Variants in GPC5 observed in about 807,000 individuals in gnomAD.
GPC5 encodes the protein glypican-5.
In GPC5, 47 loss-of-function variants were observed where a neutral mutation model predicts 53.9. That is an observed-to-expected ratio of 0.87 (90% confidence interval 0.69 to 1.11). The LOEUF (loss-of-function observed/expected upper bound fraction) is 1.11. Among genes scored for constraint, GPC5 ranks in the 50% most tolerant of loss-of-function variants. GPC5 has a pLI of 0.00. For missense variants in GPC5, 748 were observed against 713.1 expected (o/e 1.05, Z -0.56); for synonymous variants, 286 against 263.3 (o/e 1.09, Z -0.84).
At chr13:91,516,378 T>C (rs1885500182) in intron 2 of GPC5, among the ~76,000 whole-genome samples, 1 of 152,150 alleles carries the variant, frequency 6.6e-6, no homozygotes, top group African/African-American at 2.4e-5. Context: ...ACAGGGCCCA[T>C]GCAAGTCCAA....
chr13:91,552,340 T>G (rs941017122), intron 2 of GPC5, among the ~76,000 whole-genome samples: 2 of 152,000 alleles, frequency 1.3e-5, no homozygotes, highest in African/African-American at 2.4e-5. Flanking sequence ...ATTTTATTGT[T>G]ATATCTAACG....
At chr13:91,417,014 A>G (rs1388947219) in intron 1 of GPC5, among the ~76,000 whole-genome samples, 1 of 152,112 alleles carries the variant, frequency 6.6e-6, no homozygotes, top group Non-Finnish European at 1.5e-5. Flanking sequence ...CTTAACTCCA[A>G]TTACAGAGGC....
intron 7 of GPC5, among the ~76,000 whole-genome samples, chr13:92,207,826 A>G (rs2042348261): frequency 6.6e-6 from 1 of 152,212 alleles, no homozygotes; most frequent in South Asian, 2.1e-4. Flanking sequence ...AATATATTCT[A>G]TTATGATGCG....
rs1207025791 is a variant in GPC5, at chr13:92,422,525, CACACACAA to C, written c.1561+277537_1561+277544del. Among the ~76,000 whole-genome samples, 409 of 131,926 alleles carry C rather than the reference CACACACAA, an allele frequency of 3.1e-3. 1 individual carries two copies. The highest frequency in any genetic ancestry group is 0.011 in the African/African-American group (386 of 36,538). 86.5% of individuals were successfully genotyped at this position (131,926 alleles called of 152,430 possible). A position where few individuals can be genotyped will look rare whatever the true frequency, so the allele number is the denominator to read the frequency against. On this transcript the variant is annotated intron_variant, in intron 7 of 7. Coordinates refer to ENST00000377067, the MANE Select transcript of GPC5 (RefSeq NM_004466.6). ...ACACACACACACACACACACACACACACACACAACTTCTTGGAAAGAAAAGTATTCCCC... is the reference window on the plus strand; with the variant it reads ...ACACACACACACACACACACACACACCTTCTTGGAAAGAAAAGTATTCCCC...
chr13:92,135,268 A>G (rs1382389593), intron 6 of GPC5, among the ~76,000 whole-genome samples: 1 of 152,084 alleles, frequency 6.6e-6, no homozygotes, highest in African/African-American at 2.4e-5. Context: ...GTGTTTTCAT[A>G]TAGATGTTTC....
intron 7 of GPC5, among the ~76,000 whole-genome samples, chr13:92,204,680 TAAAG>T (rs1355302308): frequency 6.6e-6 from 1 of 152,148 alleles, no homozygotes; most frequent in Non-Finnish European, 1.5e-5. Flanking sequence ...TGATTTATCA[TAAAG>T]AAAAGATACA....
At chr13:91,465,393 T>C (rs1882172508) in intron 2 of GPC5, among the ~76,000 whole-genome samples, 2 of 152,164 alleles carry the variant, frequency 1.3e-5, no homozygotes, top group South Asian at 4.1e-4. Flanking sequence ...TTTTCCAGAA[T>C]GTTATGTAAA....
At chr13:91,898,073 A>G (rs1047380726) in intron 5 of GPC5, among the ~76,000 whole-genome samples, 6 of 152,214 alleles carry the variant, frequency 3.9e-5, no homozygotes, top group Non-Finnish European at 2.9e-5. Context: ...TCACCAAGTC[A>G]TATAACCAGG....
intron 7 of GPC5, among the ~76,000 whole-genome samples, chr13:92,723,719 G>T (rs1888565258): frequency 6.6e-6 from 1 of 151,654 alleles, no homozygotes; most frequent in Non-Finnish European, 1.5e-5. Flanking sequence ...CTTGCCTTGT[G>T]AAATTTTCAT....
intron 2 of GPC5, among the ~76,000 whole-genome samples, chr13:91,670,065 G>T (rs1190916686): frequency 6.6e-6 from 1 of 152,178 alleles, no homozygotes; most frequent in Non-Finnish European, 1.5e-5. Context: ...CTTCCGTGGA[G>T]AACTGGGATA....
intron 5 of GPC5, among the ~76,000 whole-genome samples, chr13:91,831,057 T>C (rs2038651906): frequency 7.2e-6 from 1 of 139,470 alleles, no homozygotes; most frequent in African/African-American, 2.7e-5. Flanking sequence ...ATATATCCTA[T>C]TTATATATAT....
chr13:92,399,271 C>G (rs900470362), intron 7 of GPC5, among the ~76,000 whole-genome samples: 1 of 152,090 alleles, frequency 6.6e-6, no homozygotes, highest in Non-Finnish European at 1.5e-5. Flanking sequence ...AAAATATAGA[C>G]CCTTAAAATA....
intron 7 of GPC5, among the ~76,000 whole-genome samples, chr13:92,374,539 T>C (rs1338628940): frequency 1.3e-5 from 2 of 152,018 alleles, no homozygotes; most frequent in Non-Finnish European, 2.9e-5. Context: ...AATGATGAGT[T>C]CATGTCCTTT....
intron 7 of GPC5, among the ~76,000 whole-genome samples, chr13:92,287,891 T>C (rs911452060): frequency 6.6e-6 from 1 of 152,128 alleles, no homozygotes; most frequent in African/African-American, 2.4e-5. Flanking sequence ...CCATAATACA[T>C]ACACTGGTAT....
At chr13:91,581,788 G>C (rs34344900) in intron 2 of GPC5, among the ~76,000 whole-genome samples, 19,382 of 151,620 alleles carry the variant, frequency 0.13, 1,637 homozygotes, top group African/African-American at 0.25. Flanking sequence ...ATTTCTCTCT[G>C]TCTCACACAC....
intron 6 of GPC5, among the ~76,000 whole-genome samples, chr13:92,075,759 G>A (rs2041247040): frequency 6.6e-6 from 1 of 152,006 alleles, no homozygotes; most frequent in African/African-American, 2.4e-5. Flanking sequence ...ATTTTATTTA[G>A]CTAAGTGATT....
chr13:91,853,613 A>G (rs182551656), intron 5 of GPC5, among the ~76,000 whole-genome samples: 2 of 152,072 alleles, frequency 1.3e-5, no homozygotes, highest in East Asian at 3.9e-4. Context: ...TATTGTCTGT[A>G]TTATTCTTCA....
At chr13:91,905,391 T>C (rs965358726) in intron 5 of GPC5, among the ~76,000 whole-genome samples, 5 of 152,038 alleles carry the variant, frequency 3.3e-5, no homozygotes, top group Admixed American at 2.0e-4. Context: ...TTGTTATTGA[T>C]GTATACTGCC....
chr13:91,424,584 C>A (rs1354393016), intron 1 of GPC5, among the ~76,000 whole-genome samples: 2 of 152,096 alleles, frequency 1.3e-5, no homozygotes, highest in East Asian at 3.9e-4. Flanking sequence ...CCAGGCTGGT[C>A]TTGAATTCCT....
Sources: allele counts gnomAD v4.1 joint callset (sites outside exome capture counted in the v4.1 genomes callset), GRCh38; gene constraint gnomAD v4.1.1; transcripts MANE v1.5; gene names NCBI Gene and HGNC (gene_info 2026-07-23, HGNC 2026-07-21).